The following SBNO1 variants were observed in gnomAD, a reference collection of about 807,000 sequenced individuals.
The protein encoded by SBNO1 is protein strawberry notch homolog 1.
In SBNO1, 23 loss-of-function variants were observed where a neutral mutation model predicts 173.6. That is an observed-to-expected ratio of 0.13 (90% CI 0.10 to 0.19). The LOEUF (loss-of-function observed/expected upper bound fraction) is 0.19. Ranked by LOEUF, SBNO1 falls within the 10% of genes least tolerant of loss-of-function variation. The pLI is 1.00. For missense variants in SBNO1, 1,238 were observed against 1,671.2 expected (o/e 0.74, Z 4.52); for synonymous variants, 632 against 571.5 (o/e 1.11, Z -1.51).
At chr12:123,356,508 T>C (rs1874477525) in intron 1 of SBNO1, among the ~76,000 whole-genome samples, 1 of 152,224 alleles carries the variant, frequency 6.6e-6, no homozygotes. Context: ...CGATCTCAGC[T>C]CACTGCAACC....
chr12:123,335,717 T>TA (rs1476860245), intron 6 of SBNO1, among the ~76,000 whole-genome samples: 1 of 152,190 alleles, frequency 6.6e-6, no homozygotes, highest in Admixed American at 6.5e-5. Context: ...TTATTTACTA[T>TA]AAAAAAGCGA....
chr12:123,347,259 C>G (rs1873286713), intron 3 of SBNO1, among the ~76,000 whole-genome samples: 1 of 151,930 alleles, frequency 6.6e-6, no homozygotes, highest in African/African-American at 2.4e-5. Context: ...CAGAGTCTCG[C>G]TCTGTCACCC....
chr12:123,309,903 A>G, intron 25 of SBNO1, 47 bp from the exon 26 acceptor site: 2 of 1,403,668 alleles, frequency 1.4e-6, no homozygotes, highest in Non-Finnish European at 2.0e-6. Flanking sequence ...ATAATTAAAA[A>G]TTTTTTATTC....
chr12:123,323,895 A>T, intron 15 of SBNO1, 64 bp from the exon 16 acceptor site: 1 of 1,180,398 alleles, frequency 8.5e-7, no homozygotes, highest in Non-Finnish European at 1.2e-6. Flanking sequence ...GTAAAGTATT[A>T]TTAAATATAT....
chr12:123,364,094 G>C (rs1242058800), intron 1 of SBNO1: 1 of 985,410 alleles, frequency 1.0e-6, no homozygotes, highest in Admixed American at 6.2e-5. Context: ...AGAACTAAGC[G>C]AGTCGCCTGG....
chr12:123,310,695 C>T (rs979819917), intron 25 of SBNO1, among the ~76,000 whole-genome samples: 3 of 150,826 alleles, frequency 2.0e-5, no homozygotes, highest in South Asian at 2.1e-4. Flanking sequence ...CCACCAGGCC[C>T]GGCTAATTTT....
intron 31 of SBNO1, among the ~76,000 whole-genome samples, chr12:123,296,555 G>GTTTTTTTTTTTTTTTTTTTTTTTT (rs35125710): frequency 7.1e-6 from 1 of 140,426 alleles, no homozygotes. Context: ...ATATATATGT[G>GTTTTTTTTTTTTTTTTTTTTTTTT]TTTTTTTTTT....
intron 16 of SBNO1, 21 bp from the exon 17 acceptor site, chr12:123,321,753 G>C: frequency 6.2e-7 from 1 of 1,603,154 alleles, no homozygotes; most frequent in South Asian, 1.1e-5. Context: ...CCACAAACAA[G>C]AGAGTCAGCC....
At chr12:123,329,506 TTAC>T (rs1364509859) in intron 9 of SBNO1, among the ~76,000 whole-genome samples, 2 of 152,072 alleles carry the variant, frequency 1.3e-5, no homozygotes, top group East Asian at 1.9e-4. Flanking sequence ...TATTGTGCAC[TTAC>T]TATATGCAAA....
chr12:123,320,066 ATCT>A, intron 19 of SBNO1, 35 bp from the exon 20 acceptor site: 1 of 1,612,518 alleles, frequency 6.2e-7, no homozygotes, highest in Non-Finnish European at 8.5e-7. Context: ...CAATGAAGGT[ATCT>A]GACTGCGGTG....
At chr12:123,312,961 T>C (rs1182085594) in intron 24 of SBNO1, among the ~76,000 whole-genome samples, 1 of 151,918 alleles carries the variant, frequency 6.6e-6, no homozygotes, top group Non-Finnish European at 1.5e-5. Context: ...TTCCAGCACT[T>C]TGGGAGGCTA....
rs752027264 is a variant in SBNO1, at chr12:123,326,191, C to T, written c.1836G>A (p.Arg612=). ...KYLCIASKVK[R]VVQLAREEIK... ...TTTCCTCTCGAGCTAGTTGCACAACCCTTTTAACTTTGGATGCTATGCATA... is the reference window on the plus strand; with the variant it reads ...TTTCCTCTCGAGCTAGTTGCACAACTCTTTTAACTTTGGATGCTATGCATA... Residue 612 remains arginine, a synonymous_variant, in exon 14 of 32, where the codon AGG becomes AGA. Coordinates refer to ENST00000602398, the MANE Select transcript of SBNO1 (RefSeq NM_001167856.3). 1.2e-6 allele frequency: 2 copies of T among 1,611,736 alleles called. No homozygotes were observed. Among genetic ancestry groups the T allele is most frequent in the African/African-American group, 1.3e-5 (1 of 74,846 alleles).
At chr12:123,339,647 GC>G (rs1327929769) in intron 5 of SBNO1, among the ~76,000 whole-genome samples, 5 of 151,882 alleles carry the variant, frequency 3.3e-5, no homozygotes, top group Non-Finnish European at 5.9e-5. Context: ...ATTAGCCAGG[GC>G]TGGTGGTGGG....
intron 10 of SBNO1, among the ~76,000 whole-genome samples, chr12:123,328,408 C>G (rs1311939943): frequency 1.3e-5 from 2 of 152,144 alleles, no homozygotes; most frequent in Non-Finnish European, 2.9e-5. Flanking sequence ...AGTTTGGGAC[C>G]ACTAAGTTCT....
At chr12:123,313,310 T>A (rs1202628272) in intron 24 of SBNO1, among the ~76,000 whole-genome samples, 4 of 150,964 alleles carry the variant, frequency 2.6e-5, no homozygotes, top group East Asian at 3.9e-4. Context: ...AAATAAATAA[T>A]TTTTAAAAAA....
chr12:123,315,512 A>T, intron 22 of SBNO1, 36 bp downstream of exon 22: 1 of 1,583,074 alleles, frequency 6.3e-7, no homozygotes, highest in Admixed American at 1.7e-5. Context: ...ACAATAGATC[A>T]TCATTTACAC....
chr12:123,300,552 G>C (rs964957857), intron 30 of SBNO1, among the ~76,000 whole-genome samples: 1 of 152,144 alleles, frequency 6.6e-6, no homozygotes, highest in East Asian at 1.9e-4. Flanking sequence ...CAGCTACTCA[G>C]GAGGCTGAGG....
At chr12:123,339,308 G>A (rs951565153) in intron 5 of SBNO1, among the ~76,000 whole-genome samples, 1 of 151,824 alleles carries the variant, frequency 6.6e-6, no homozygotes, top group African/African-American at 2.4e-5. Context: ...CCCTCTGCAA[G>A]GTCTCTAGTA....
At chr12:123,304,781 G>T in intron 28 of SBNO1, 62 bp from the exon 29 acceptor site, 2 of 1,083,696 alleles carry the variant, frequency 1.8e-6, no homozygotes, top group Non-Finnish European at 2.7e-6. Flanking sequence ...ACATGTTTCT[G>T]TACCATCACG....
Sources: gnomAD v4.1 joint callset for allele counts (sites outside exome capture counted in the v4.1 genomes callset) on GRCh38, gnomAD v4.1.1 for gene constraint, MANE v1.5 for transcripts, NCBI Gene and HGNC (gene_info 2026-07-23, HGNC 2026-07-21) for gene names.